The following PLCL1 variants were observed in gnomAD, a reference collection of about 807,000 sequenced individuals.
PLCL1 encodes inactive phospholipase C-like protein 1.
In PLCL1, 41 loss-of-function variants were observed where a neutral mutation model predicts 84.4. The ratio of observed to expected loss-of-function variants is 0.49; its 90% confidence interval spans 0.38 to 0.63. The LOEUF is 0.63. PLCL1 is among the 30% of genes least tolerant of loss of function. The pLI is 0.00. For missense variants in PLCL1, 1,206 were observed against 1,367.8 expected (o/e 0.88, Z 1.87); for synonymous variants, 490 against 488.3 (o/e 1.00, Z -0.05).
At chr2:197,967,633 A>G (rs1689771386) in intron 1 of PLCL1, among the ~76,000 whole-genome samples, 1 of 152,178 alleles carries the variant, frequency 6.6e-6, no homozygotes, top group Non-Finnish European at 1.5e-5. Flanking sequence ...TTCATTATTT[A>G]CTTGACAGTT....
At chr2:198,115,950 A>C (rs1693736442) in intron 5 of PLCL1, among the ~76,000 whole-genome samples, 1 of 147,852 alleles carries the variant, frequency 6.8e-6, no homozygotes, top group Non-Finnish European at 1.5e-5. Flanking sequence ...AAATATATAA[A>C]ATATATACAT....
chr2:197,856,700 C>A (rs185527342), intron 1 of PLCL1, among the ~76,000 whole-genome samples: 126 of 152,214 alleles, frequency 8.3e-4, no homozygotes, highest in Non-Finnish European at 6.3e-4. Context: ...ATATGAAAAA[C>A]CCTTCACAGG....
intron 5 of PLCL1, among the ~76,000 whole-genome samples, chr2:198,112,273 T>C (rs1693640750): frequency 6.6e-6 from 1 of 151,846 alleles, no homozygotes; most frequent in Non-Finnish European, 1.5e-5. Context: ...AGTTGAGTCC[T>C]TGGACAGGTA....
intron 1 of PLCL1, among the ~76,000 whole-genome samples, chr2:197,969,965 A>G (rs928807162): frequency 3.3e-5 from 5 of 152,166 alleles, no homozygotes; most frequent in African/African-American, 1.2e-4. Flanking sequence ...GGTGGTTTGT[A>G]TACAGCATAA....
chr2:198,084,508 G>T lies in PLCL1; in HGVS notation c.991G>T (p.Asp331Tyr). ...VQISKNKEYL[D>Y]ANDLMLFLEA... ...GATATCTAAAAACAAAGAATATTTG[G>T]ATGCCAATGATCTCATGCTCTTTTT... Residue 331 changes from aspartate (D) to tyrosine (Y), a missense_variant, in exon 2 of 6, where the codon GAT (aspartate) becomes TAT (tyrosine). Asp to Tyr is a radical substitution (Grantham distance 160). Transcript: ENST00000428675. 1 of 1,614,048 alleles carries T rather than the reference G, an allele frequency of 6.2e-7. No homozygotes were observed. The highest frequency in any genetic ancestry group is 8.5e-7 in the Non-Finnish European group (1 of 1,179,970).
At chr2:197,920,052 A>G (rs1332686272) in intron 1 of PLCL1, among the ~76,000 whole-genome samples, 1 of 152,118 alleles carries the variant, frequency 6.6e-6, no homozygotes, top group Admixed American at 6.5e-5. Context: ...AAATAAGATC[A>G]TATATATTGT....
chr2:198,017,978 C>T (rs536147761), intron 1 of PLCL1, among the ~76,000 whole-genome samples: 1 of 152,282 alleles, frequency 6.6e-6, no homozygotes, highest in African/African-American at 2.4e-5. Flanking sequence ...TCTGCAGCTC[C>T]CAGTGAGACC....
At chr2:198,101,161 G>A in intron 3 of PLCL1, 124 bp from the exon 4 acceptor site, 1 of 680,128 alleles carries the variant, frequency 1.5e-6, no homozygotes, top group Non-Finnish European at 2.6e-6. Context: ...CCTCCCATCT[G>A]TTGTGGTGAG....
intron 5 of PLCL1, among the ~76,000 whole-genome samples, chr2:198,118,586 C>T (rs1002129665): frequency 6.6e-6 from 1 of 151,992 alleles, no homozygotes; most frequent in Non-Finnish European, 1.5e-5. Flanking sequence ...AACATCAGCA[C>T]AACCAGTATT....
At chr2:198,086,264 T>C in intron 2 of PLCL1, 32 bp downstream of exon 2, 1 of 1,369,628 alleles carries the variant, frequency 7.3e-7, no homozygotes, top group South Asian at 1.2e-5. Flanking sequence ...TCCTTCCCTA[T>C]CCCTGCTTAT....
intron 1 of PLCL1, among the ~76,000 whole-genome samples, chr2:197,919,181 C>T (rs1437925457): frequency 2.0e-5 from 3 of 152,056 alleles, no homozygotes; most frequent in Non-Finnish European, 2.9e-5. Context: ...GCTTCTTTTG[C>T]TGGGAGGAAA....
intron 1 of PLCL1, among the ~76,000 whole-genome samples, chr2:197,971,128 A>T (rs1156354435): frequency 6.6e-6 from 1 of 152,222 alleles, no homozygotes. Flanking sequence ...GTTCAGTCAT[A>T]GTTGTGACTT....
At chr2:198,088,711 T>A (rs1692945206) in intron 2 of PLCL1, 147 bp from the exon 3 acceptor site, 1 of 706,282 alleles carries the variant, frequency 1.4e-6, no homozygotes, top group Non-Finnish European at 2.6e-6. Flanking sequence ...TTGTGGTGAT[T>A]GCTAAAAATT....
intron 1 of PLCL1, among the ~76,000 whole-genome samples, chr2:198,012,615 G>T (rs1307854943): frequency 6.6e-6 from 1 of 151,052 alleles, no homozygotes; most frequent in Non-Finnish European, 1.5e-5. Flanking sequence ...TTTTCTTATT[G>T]TTTTTGTCCC....
intron 1 of PLCL1, among the ~76,000 whole-genome samples, chr2:198,039,642 T>C (rs1437638352): frequency 2.0e-5 from 3 of 152,194 alleles, no homozygotes; most frequent in African/African-American, 7.2e-5. Flanking sequence ...AGTTAACTGA[T>C]TATTTTTGTT....
intron 1 of PLCL1, among the ~76,000 whole-genome samples, chr2:198,021,595 A>G (rs1691135861): frequency 2.0e-5 from 3 of 152,232 alleles, no homozygotes; most frequent in Admixed American, 2.0e-4. Flanking sequence ...ACAAACTACC[A>G]TCGGAGAATA....
At chr2:197,970,819 T>G (rs1017982482) in intron 1 of PLCL1, among the ~76,000 whole-genome samples, 1 of 152,234 alleles carries the variant, frequency 6.6e-6, no homozygotes, top group African/African-American at 2.4e-5. Flanking sequence ...ATGAACAAAC[T>G]GTGTCTCCAT....
chr2:197,986,537 A>T (rs1434013934), intron 1 of PLCL1, among the ~76,000 whole-genome samples: 1 of 152,062 alleles, frequency 6.6e-6, no homozygotes, highest in East Asian at 1.9e-4. Context: ...TTTTGTAGAG[A>T]TGGAGTCTTA....
intron 1 of PLCL1, among the ~76,000 whole-genome samples, chr2:197,957,670 C>A (rs1443373059): frequency 6.6e-6 from 1 of 152,004 alleles, no homozygotes. Flanking sequence ...GCCTATTGGC[C>A]TCTGCTCAAC....
Sources: allele counts gnomAD v4.1 joint callset (sites outside exome capture counted in the v4.1 genomes callset), GRCh38; gene constraint gnomAD v4.1.1; transcripts MANE v1.5; gene names NCBI Gene and HGNC (gene_info 2026-07-23, HGNC 2026-07-21).